Variants in MAPK10 observed in about 807,000 individuals in gnomAD.
The protein encoded by MAPK10 is mitogen-activated protein kinase 10.
Under a neutral mutation model 59.3 loss-of-function variants are expected in MAPK10, and 25 were observed. The observed-to-expected ratio is 0.42, with a 90% CI of 0.31 to 0.59. The LOEUF is 0.59. MAPK10 is among the 20% of genes least tolerant of loss of function. The pLI is 0.15. For synonymous variants in MAPK10, 190 were observed against 200.5 expected, an observed-to-expected ratio of 0.95 and a Z score of 0.44; for missense variants, 351 against 568.9, an observed-to-expected ratio of 0.62 and a Z score of 3.90.
At chr4:86,439,909 A>G (rs1749216788) in intron 1 of MAPK10, among the ~76,000 whole-genome samples, 1 of 152,228 alleles carries the variant, frequency 6.6e-6, no homozygotes, top group Admixed American at 6.5e-5. Flanking sequence ...TTCTAGCCCC[A>G]AAATTTCTGT....
At chr4:86,258,960 G>C (rs930132925) in intron 2 of MAPK10, among the ~76,000 whole-genome samples, 3 of 151,622 alleles carry the variant, frequency 2.0e-5, no homozygotes, top group African/African-American at 7.3e-5. Context: ...GTCTCATTTC[G>C]GTAGCATATA....
At chr4:86,309,253 T>G (rs969427484) in intron 2 of MAPK10, among the ~76,000 whole-genome samples, 3 of 152,122 alleles carry the variant, frequency 2.0e-5, no homozygotes, top group African/African-American at 7.2e-5. Flanking sequence ...TGTAAAGCAG[T>G]CCCACATTCC....
intron 2 of MAPK10, among the ~76,000 whole-genome samples, chr4:86,280,006 AC>A (rs1473804662): frequency 6.6e-6 from 1 of 152,158 alleles, no homozygotes; most frequent in African/African-American, 2.4e-5. Context: ...AACTATAAAA[AC>A]CCTAGAAGAA....
At chr4:86,413,659 A>G (rs1475621602) in intron 1 of MAPK10, among the ~76,000 whole-genome samples, 2 of 152,208 alleles carry the variant, frequency 1.3e-5, no homozygotes. Context: ...GCAGCATTGC[A>G]GGTTGACCTC....
At chr4:86,509,575 G>A (rs1395888046) in intron 1 of MAPK10, among the ~76,000 whole-genome samples, 1 of 151,888 alleles carries the variant, frequency 6.6e-6, no homozygotes, top group African/African-American at 2.4e-5. Flanking sequence ...AAAAATTTAA[G>A]GCAACTTGGA....
intron 2 of MAPK10, among the ~76,000 whole-genome samples, chr4:86,289,987 G>A (rs1192397522): frequency 2.0e-5 from 3 of 152,090 alleles, no homozygotes; most frequent in African/African-American, 4.8e-5. Context: ...GATTTTGGAC[G>A]TATTAAATTT....
intron 4 of MAPK10, among the ~76,000 whole-genome samples, chr4:86,147,996 C>A (rs2065419812): frequency 6.6e-6 from 1 of 152,146 alleles, no homozygotes; most frequent in African/African-American, 2.4e-5. Flanking sequence ...CAAACATACA[C>A]ATTACATTAT....
At chr4:86,398,576 A>G (rs1027224381) in intron 1 of MAPK10, among the ~76,000 whole-genome samples, 6 of 152,182 alleles carry the variant, frequency 3.9e-5, no homozygotes, top group African/African-American at 1.2e-4. Flanking sequence ...TTTTCTTACA[A>G]TATTAATGTA....
intron 11 of MAPK10, among the ~76,000 whole-genome samples, chr4:86,056,912 T>C (rs1238490335): frequency 6.7e-6 from 1 of 148,968 alleles, no homozygotes; most frequent in African/African-American, 2.5e-5. Context: ...GTAACCAAAC[T>C]TAGTCAGCTT....
intron 3 of MAPK10, among the ~76,000 whole-genome samples, chr4:86,175,482 G>T (rs968154093): frequency 6.6e-6 from 1 of 152,044 alleles, no homozygotes; most frequent in Non-Finnish European, 1.5e-5. Context: ...TGGATCATGG[G>T]GGTGGTTTCT....
At chr4:86,547,223 C>T (rs1759268979) in intron 1 of MAPK10, among the ~76,000 whole-genome samples, 1 of 152,208 alleles carries the variant, frequency 6.6e-6, no homozygotes, top group South Asian at 2.1e-4. Flanking sequence ...TTTGGCGGCA[C>T]CTGAGGAGCC....
At chr4:86,245,862 G>A (rs1177559191) in intron 2 of MAPK10, among the ~76,000 whole-genome samples, 1 of 152,064 alleles carries the variant, frequency 6.6e-6, no homozygotes, top group Admixed American at 6.5e-5. Flanking sequence ...TAAAGTAGAT[G>A]ATGTTTAAAA....
At chr4:86,206,024 C>T (rs2083784244) in intron 2 of MAPK10, among the ~76,000 whole-genome samples, 1 of 151,588 alleles carries the variant, frequency 6.6e-6, no homozygotes, top group Non-Finnish European at 1.5e-5. Flanking sequence ...CCACTGAAGA[C>T]AACAGGATTT....
At chr4:86,192,005 A>C (rs967415239) in intron 3 of MAPK10, 1 of 151,976 alleles carries the variant, frequency 6.6e-6, no homozygotes, top group African/African-American at 2.4e-5. Flanking sequence ...GTCTGTAAAG[A>C]ATTTTATTTC....
intron 2 of MAPK10, among the ~76,000 whole-genome samples, chr4:86,307,817 G>T (rs189243882): frequency 6.6e-6 from 1 of 152,098 alleles, no homozygotes; most frequent in African/African-American, 2.4e-5. Flanking sequence ...TAAGGCAAGA[G>T]GGAATCATTA....
intron 2 of MAPK10, among the ~76,000 whole-genome samples, chr4:86,254,761 T>A (rs1425999263): frequency 1.3e-5 from 2 of 150,788 alleles, no homozygotes; most frequent in African/African-American, 4.9e-5. Context: ...ATCTGTCTAA[T>A]GTTGACAGTG....
Position 86,015,952 on chromosome 4 carries a change from ATTATT to A in MAPK10, c.*1271_*1275del, listed in dbSNP as rs1743161804. On this transcript the variant is annotated 3_prime_UTR_variant, in exon 14 of 14. Transcript: ENST00000641462. ...GTTTGGGGGTTTCATTATTATTATT[ATTATT>A]TTATTTCAGAAGAGGAAAGTAATAT... The A allele has an allele frequency of 6.6e-6, 1 of 152,168 alleles. No individual in the cohort carries two copies. The highest frequency in any genetic ancestry group is 1.5e-5 in the Non-Finnish European group (1 of 68,026). The allele number at this position is 152,168 out of a possible 1,614,324, so 9.4% of individuals were successfully genotyped here. A position where few individuals can be genotyped will look rare whatever the true frequency, so the allele number is the denominator to read the frequency against.
chr4:86,322,795 A>C (rs2095928704), intron 2 of MAPK10, among the ~76,000 whole-genome samples: 1 of 152,218 alleles, frequency 6.6e-6, no homozygotes, highest in African/African-American at 2.4e-5. Context: ...TTATATGCTC[A>C]TCGAAGTCAT....
chr4:86,225,474 T>TG (rs2090449724), intron 2 of MAPK10, among the ~76,000 whole-genome samples: 1 of 152,126 alleles, frequency 6.6e-6, no homozygotes, highest in African/African-American at 2.4e-5. Context: ...AGCTTGTGTG[T>TG]GGTTCCCTTT....
Sources: gnomAD v4.1 joint callset for allele counts (sites outside exome capture counted in the v4.1 genomes callset) on GRCh38, gnomAD v4.1.1 for gene constraint, MANE v1.5 for transcripts, NCBI Gene and HGNC (gene_info 2026-07-23, HGNC 2026-07-21) for gene names.